ST6GALNAC3: variants seen among roughly 807,000 people sequenced by gnomAD.
ST6GALNAC3 encodes the protein ST6 N-acetylgalactosaminide alpha-2,6-sialyltransferase 3, also known as alpha-N-acetylgalactosaminide alpha-2,6-sialyltransferase 3.
Under a neutral mutation model 32.7 loss-of-function variants are expected in ST6GALNAC3, and 25 were observed. The ratio of observed to expected loss-of-function variants is 0.76; its 90% CI spans 0.56 to 1.07. ST6GALNAC3 has a LOEUF of 1.07. ST6GALNAC3 is among the 50% of genes least tolerant of loss of function. ST6GALNAC3 has a pLI of 0.00. For synonymous variants in ST6GALNAC3, 129 were observed against 133.1 expected (o/e 0.97, Z 0.21); for missense variants, 355 against 382.4 (o/e 0.93, Z 0.60).
chr1:76,137,798 C>G (rs894507645), intron 1 of ST6GALNAC3, among the ~76,000 whole-genome samples: 1 of 152,180 alleles, frequency 6.6e-6, no homozygotes, highest in African/African-American at 2.4e-5. Flanking sequence ...AACACTTGTC[C>G]AGTTTAGCAG....
intron 3 of ST6GALNAC3, among the ~76,000 whole-genome samples, chr1:76,539,785 G>A (rs1663872442): frequency 6.6e-6 from 1 of 152,140 alleles, no homozygotes; most frequent in African/African-American, 2.4e-5. Context: ...TCAGAGAAAT[G>A]CAAATCAAAA....
At chr1:76,313,003 C>T (rs1192994417) in intron 1 of ST6GALNAC3, among the ~76,000 whole-genome samples, 1 of 152,156 alleles carries the variant, frequency 6.6e-6, no homozygotes, top group African/African-American at 2.4e-5. Flanking sequence ...TGTTTTTCTT[C>T]CATGGCAGTA....
intron 1 of ST6GALNAC3, among the ~76,000 whole-genome samples, chr1:76,086,485 T>C (rs1646966585): frequency 6.6e-6 from 1 of 152,212 alleles, no homozygotes; most frequent in Non-Finnish European, 1.5e-5. Flanking sequence ...AATTACTCTG[T>C]AAGTTTTCCC....
In ST6GALNAC3 at chr1:76,205,535, C is replaced by T. The variant is rs531024247; in HGVS notation, c.19-108270C>T. ...GGATCAGTGACATTCCAGCTGGACA[C>T]CTGAATCCCTTTTCAAAAGAGCATC... On this transcript the variant is annotated intron_variant, in intron 1 of 4. Transcript: ENST00000328299. Among the ~76,000 whole-genome samples the T allele has an allele frequency of 3.9e-5, 6 of 152,234 alleles. No individual in the cohort carries two copies. In the South Asian group the frequency reaches 1.2e-3, roughly 32 times the overall value.
chr1:76,148,438 T>C (rs1031150971), intron 1 of ST6GALNAC3, among the ~76,000 whole-genome samples: 1 of 152,238 alleles, frequency 6.6e-6, no homozygotes, highest in Non-Finnish European at 1.5e-5. Flanking sequence ...ATTTCCCCTC[T>C]TGGGCAAATA....
chr1:76,539,732 A>T (rs1399407945), intron 3 of ST6GALNAC3, among the ~76,000 whole-genome samples: 2 of 152,194 alleles, frequency 1.3e-5, no homozygotes, highest in Non-Finnish European at 2.9e-5. Context: ...GAAGACATTT[A>T]TGCAGCCAAC....
Position 76,076,709 on chromosome 1 carries a change from TA to T in ST6GALNAC3, c.18+1826del, listed in dbSNP as rs1334538842. Reference sequence around the variant, plus strand: ...CTTACTATATCCTCAGTCTGTTTCTTATAACTATTATTTTTTATAAAATACA... The same window carrying T: ...CTTACTATATCCTCAGTCTGTTTCTTTAACTATTATTTTTTATAAAATACA... On this transcript the variant is annotated intron_variant, in intron 1 of 4. Coordinates refer to ENST00000328299, the MANE Select transcript of ST6GALNAC3 (RefSeq NM_152996.4). Among the ~76,000 whole-genome samples the T allele has an allele frequency of 2.6e-5, 4 of 152,360 alleles. No homozygotes were observed. The East Asian group carries it at 7.7e-4, about 29-fold the overall frequency.
intron 3 of ST6GALNAC3, among the ~76,000 whole-genome samples, chr1:76,463,913 C>G (rs761983408): frequency 6.6e-6 from 1 of 152,108 alleles, no homozygotes; most frequent in African/African-American, 2.4e-5. Flanking sequence ...CATATGTGTT[C>G]TCCCGGCTCC....
chr1:76,477,574 G>A (rs1659436563), intron 3 of ST6GALNAC3, among the ~76,000 whole-genome samples: 1 of 152,156 alleles, frequency 6.6e-6, no homozygotes, highest in Non-Finnish European at 1.5e-5. Context: ...GGCTCAGAAA[G>A]AGCACCTTGT....
At chr1:76,467,871 C>A (rs561353163) in intron 3 of ST6GALNAC3, among the ~76,000 whole-genome samples, 5 of 151,908 alleles carry the variant, frequency 3.3e-5, no homozygotes, top group African/African-American at 1.2e-4. Flanking sequence ...AAATGAAATA[C>A]AATTTTCACT....
At position 76,398,746 on chromosome 1, in the gene ST6GALNAC3, G is replaced by T. The variant is rs564382366; in HGVS notation, c.214-13262G>T. Among the ~76,000 whole-genome samples, 50 of 152,236 alleles carry T rather than the reference G, an allele frequency of 3.3e-4. No homozygotes were observed. In the South Asian group the frequency reaches 9.8e-3, roughly 30 times the overall value. On this transcript the variant is annotated intron_variant, in intron 2 of 4. Transcript: ENST00000328299. ...TTTATAGGACATATAGCAGGAAGTAGAATTTCTGGGTCATAGAGCATATAT... is the reference window on the plus strand; with the variant it reads ...TTTATAGGACATATAGCAGGAAGTATAATTTCTGGGTCATAGAGCATATAT...
In ST6GALNAC3 at chr1:76,495,594, G is replaced by T. The variant is rs963105995; in HGVS notation, c.623+83177G>T. ...TGTAGAATTCAGGCCCCTTTCATGTGTTTAAATATAACCTTTTTTTCTTCC... is the reference window on the plus strand; with the variant it reads ...TGTAGAATTCAGGCCCCTTTCATGTTTTTAAATATAACCTTTTTTTCTTCC... On this transcript the variant is annotated intron_variant, in intron 3 of 4. Coordinates refer to ENST00000328299, the MANE Select transcript of ST6GALNAC3 (RefSeq NM_152996.4). 2.9e-4 allele frequency among the ~76,000 whole-genome samples: 44 copies of T among 152,032 alleles called. 3 individuals carry two copies. Among genetic ancestry groups the T allele is most frequent in the Non-Finnish European group, 1.9e-4 (13 of 68,006 alleles).
chr1:76,401,811 G>A (rs1653441442), intron 2 of ST6GALNAC3, among the ~76,000 whole-genome samples: 1 of 152,118 alleles, frequency 6.6e-6, no homozygotes, highest in African/African-American at 2.4e-5. Context: ...AATAACTCTA[G>A]GAATCCTAGT....
chr1:76,378,102 T>G (rs943487492), intron 2 of ST6GALNAC3, among the ~76,000 whole-genome samples: 6 of 152,148 alleles, frequency 3.9e-5, no homozygotes, highest in African/African-American at 1.4e-4. Flanking sequence ...TGTCCCTACC[T>G]TAGACTGATG....
intron 3 of ST6GALNAC3, among the ~76,000 whole-genome samples, chr1:76,433,939 T>C (rs977825026): frequency 6.6e-6 from 1 of 152,254 alleles, no homozygotes; most frequent in African/African-American, 2.4e-5. Flanking sequence ...TTGCAGCGTT[T>C]ACTTTTTATC....
intron 3 of ST6GALNAC3, chr1:76,576,779 A>T: frequency 8.3e-7 from 1 of 1,197,608 alleles, no homozygotes; most frequent in Non-Finnish European, 1.1e-6. Flanking sequence ...TCTGATAGCT[A>T]AAGTAGTGAT....
At chr1:76,358,975 A>G (rs888554392) in intron 2 of ST6GALNAC3, among the ~76,000 whole-genome samples, 4 of 152,162 alleles carry the variant, frequency 2.6e-5, no homozygotes, top group Non-Finnish European at 5.9e-5. Flanking sequence ...CAAATCCACT[A>G]TTAGAGTCTG....
chr1:76,499,696 T>C (rs939590621), intron 3 of ST6GALNAC3, among the ~76,000 whole-genome samples: 2 of 152,114 alleles, frequency 1.3e-5, no homozygotes, highest in Non-Finnish European at 2.9e-5. Flanking sequence ...GCTATGCTAA[T>C]AGAACCTCCC....
At chr1:76,500,038 A>T (rs1458314763) in intron 3 of ST6GALNAC3, among the ~76,000 whole-genome samples, 4 of 148,388 alleles carry the variant, frequency 2.7e-5, no homozygotes, top group Admixed American at 6.8e-5. Context: ...GTGGAGATTT[A>T]AAAAAAAAAG....
Sources: allele counts gnomAD v4.1 joint callset (sites outside exome capture counted in the v4.1 genomes callset), GRCh38; gene constraint gnomAD v4.1.1; transcripts MANE v1.5; gene names NCBI Gene and HGNC (gene_info 2026-07-23, HGNC 2026-07-21).